The following CCDC148 variants were observed in gnomAD, a reference collection of about 807,000 sequenced individuals.
CCDC148 encodes coiled-coil domain containing 148.
CCDC148 carries 89 observed loss-of-function variants against 85.7 expected under a neutral mutation model. The ratio of observed to expected loss-of-function variants is 1.04; its 90% CI spans 0.87 to 1.24. The LOEUF (loss-of-function observed/expected upper bound fraction) is 1.24. Ranked by LOEUF, CCDC148 falls within the 50% of genes most tolerant of loss-of-function variation. The probability of loss-of-function intolerance (pLI) is 0.00; values close to 1 mark genes in which losing one functional copy is unlikely to be tolerated. For synonymous variants in CCDC148, 230 were observed against 213.9 expected (o/e 1.08, Z -0.66); for missense variants, 692 against 671.7 (o/e 1.03, Z -0.33).
intron 1 of CCDC148, among the ~76,000 whole-genome samples, chr2:158,434,727 GA>G (rs1284083210): frequency 1.3e-5 from 2 of 152,060 alleles, no homozygotes; most frequent in African/African-American, 4.8e-5. Flanking sequence ...TAAAAACCTT[GA>G]AAAAAGATGA....
intron 9 of CCDC148, among the ~76,000 whole-genome samples, chr2:158,294,631 C>T (rs889454224): frequency 6.6e-5 from 10 of 151,964 alleles, no homozygotes; most frequent in African/African-American, 1.9e-4. Context: ...GTAGACCAAC[C>T]GGGGCAACAT....
intron 9 of CCDC148, among the ~76,000 whole-genome samples, chr2:158,282,860 G>A (rs1004907671): frequency 1.2e-3 from 176 of 152,248 alleles, no homozygotes; most frequent in Middle Eastern, 3.4e-3. Flanking sequence ...GAGGCGTCAC[G>A]CTACTTGACT....
chr2:158,265,326 T>C (rs1001509519), intron 9 of CCDC148, among the ~76,000 whole-genome samples: 3 of 152,138 alleles, frequency 2.0e-5, no homozygotes, highest in Admixed American at 1.3e-4. Flanking sequence ...AATAATCCTA[T>C]ACATCATTAT....
intron 9 of CCDC148, among the ~76,000 whole-genome samples, chr2:158,261,199 C>A (rs1689207088): frequency 6.6e-6 from 1 of 151,930 alleles, no homozygotes; most frequent in Non-Finnish European, 1.5e-5. Context: ...GAATAGAGAG[C>A]CCAGAAACAA....
chr2:158,371,720 A>G (rs1684450515), intron 1 of CCDC148, among the ~76,000 whole-genome samples: 1 of 129,242 alleles, frequency 7.7e-6, no homozygotes, highest in African/African-American at 3.2e-5. Flanking sequence ...AATGGCATGT[A>G]TACATATATA....
intron 11 of CCDC148, among the ~76,000 whole-genome samples, chr2:158,188,738 G>T (rs1354987121): frequency 6.6e-6 from 1 of 151,926 alleles, no homozygotes; most frequent in African/African-American, 2.4e-5. Context: ...AAATTGACAA[G>T]TAGGACCTAA....
At chr2:158,383,378 T>C (rs1440197081) in intron 1 of CCDC148, among the ~76,000 whole-genome samples, 1 of 151,910 alleles carries the variant, frequency 6.6e-6, no homozygotes, top group Non-Finnish European at 1.5e-5. Flanking sequence ...ATTAAAATTC[T>C]AAAGCAAGAT....
intron 1 of CCDC148, among the ~76,000 whole-genome samples, chr2:158,358,857 A>G (rs1259261067): frequency 6.6e-6 from 1 of 151,914 alleles, no homozygotes; most frequent in Non-Finnish European, 1.5e-5. Flanking sequence ...GAAAATTATA[A>G]TACCAAGCTA....
chr2:158,423,908 G>T (rs1686936693), intron 1 of CCDC148, among the ~76,000 whole-genome samples: 1 of 152,134 alleles, frequency 6.6e-6, no homozygotes, highest in South Asian at 2.1e-4. Flanking sequence ...GTGGGTGAAG[G>T]ATATGAACAG....
intron 1 of CCDC148, among the ~76,000 whole-genome samples, chr2:158,420,687 C>T (rs185362770): frequency 1.3e-5 from 2 of 152,116 alleles, no homozygotes; most frequent in Non-Finnish European, 2.9e-5. Flanking sequence ...AAGTAACGAG[C>T]GAAATAACCA....
At chr2:158,371,658 G>T in intron 1 of CCDC148, among the ~76,000 whole-genome samples, 1 of 148,802 alleles carries the variant, frequency 6.7e-6, no homozygotes, top group African/African-American at 2.6e-5. Context: ...CATTCTATTT[G>T]TGTGTTCATA....
chr2:158,181,446 C>T (rs922367357), intron 11 of CCDC148, among the ~76,000 whole-genome samples: 7 of 152,076 alleles, frequency 4.6e-5, no homozygotes, highest in South Asian at 2.1e-4. Flanking sequence ...CTCCTGTCCT[C>T]GAAGAACTGA....
intron 9 of CCDC148, among the ~76,000 whole-genome samples, chr2:158,277,377 G>A (rs779064895): frequency 1.3e-5 from 2 of 152,118 alleles, no homozygotes; most frequent in Non-Finnish European, 2.9e-5. Flanking sequence ...CACACCTACT[G>A]AGAATGTTCC....
intron 3 of CCDC148, among the ~76,000 whole-genome samples, chr2:158,342,021 C>CATTTTTTTT (rs1682729348): frequency 1.2e-5 from 1 of 85,620 alleles, no homozygotes; most frequent in Non-Finnish European, 2.0e-5. Context: ...TCATTATTTT[C>CATTTTTTTT]TTTTCTTTTT....
At chr2:158,446,350 CA>C (rs200274224) in intron 1 of CCDC148, among the ~76,000 whole-genome samples, 27 of 146,090 alleles carry the variant, frequency 1.8e-4, no homozygotes, top group Admixed American at 2.0e-4. Flanking sequence ...GAACTTGTCT[CA>C]AAAAAAAAAA....
At chr2:158,425,665 G>C (rs1197861483) in intron 1 of CCDC148, among the ~76,000 whole-genome samples, 1 of 152,102 alleles carries the variant, frequency 6.6e-6, no homozygotes, top group Non-Finnish European at 1.5e-5. Context: ...AGTTTGTTGT[G>C]CGGAGAGAAT....
intron 7 of CCDC148, among the ~76,000 whole-genome samples, chr2:158,323,003 C>A (rs1692590188): frequency 6.6e-6 from 1 of 152,044 alleles, no homozygotes; most frequent in Non-Finnish European, 1.5e-5. Flanking sequence ...GTTAATTCAT[C>A]CAAATGTTAG....
chr2:158,438,443 T>C (rs1687772245), intron 1 of CCDC148, among the ~76,000 whole-genome samples: 2 of 152,152 alleles, frequency 1.3e-5, no homozygotes, highest in South Asian at 2.1e-4. Context: ...TGAAACTGGA[T>C]CCCTTCCTTA....
rs530185390 is a variant in CCDC148, at chr2:158,227,528, G to A, written c.1252-6815C>T. On this transcript the variant is annotated intron_variant, in intron 10 of 13. Coordinates refer to ENST00000283233, the MANE Select transcript of CCDC148 (RefSeq NM_138803.4). ...ATCCTAAGCCAAAAGAACAAAGCTGGAGGCATCACGCTACCTGACTTCAAA... is the reference window on the plus strand; with the variant it reads ...ATCCTAAGCCAAAAGAACAAAGCTGAAGGCATCACGCTACCTGACTTCAAA... Among the ~76,000 whole-genome samples the A allele has an allele frequency of 4.1e-3, 618 of 152,252 alleles. 2 individuals carry two copies. The highest frequency in any genetic ancestry group is 6.5e-3 in the Non-Finnish European group (445 of 68,016).
Sources: gnomAD v4.1 joint callset for allele counts (sites outside exome capture counted in the v4.1 genomes callset) on GRCh38, gnomAD v4.1.1 for gene constraint, MANE v1.5 for transcripts, NCBI Gene and HGNC (gene_info 2026-07-23, HGNC 2026-07-21) for gene names.